The following DELE1 variants were observed in gnomAD, a reference collection of about 807,000 sequenced individuals.
The protein encoded by DELE1 is DAP3 binding cell death enhancer 1, also known as death ligand signal enhancer.
In DELE1, 54 loss-of-function variants were observed where a neutral mutation model predicts 59.3. The observed-to-expected ratio is 0.91, with a 90% CI of 0.73 to 1.14. The LOEUF (loss-of-function observed/expected upper bound fraction) is 1.14. DELE1 is among the 50% of genes most tolerant of loss of function. DELE1 has a pLI of 0.00. For missense variants in DELE1, 636 were observed against 643.9 expected (o/e 0.99, Z 0.13); for synonymous variants, 264 against 259.1 (o/e 1.02, Z -0.18).
At chr5:141,929,949 T>C in intron 5 of DELE1, 40 bp from the exon 6 acceptor site, 1 of 1,592,824 alleles carries the variant, frequency 6.3e-7, no homozygotes, top group South Asian at 1.1e-5. Flanking sequence ...AGTACAACTT[T>C]CTCCTTTGCC....
chr5:141,929,543 C>T (rs752121516), intron 4 of DELE1, 39 bp from the exon 5 acceptor site: 34 of 1,602,954 alleles, frequency 2.1e-5, no homozygotes, highest in Non-Finnish European at 2.8e-5. Context: ...AGCCATCGCG[C>T]CTGGCCCAGA....
chr5:141,941,638 C>G lies in DELE1; in HGVS notation c.*2879C>G, dbSNP rs1204043656. On this transcript the variant is annotated 3_prime_UTR_variant, in exon 12 of 12. Coordinates refer to ENST00000432126, the MANE Select transcript of DELE1 (RefSeq NM_014773.5). ...GGATGCTGGGTTAAAGCCCGGCGCCCTCACCAATGAGACCTTTGTGGGAAG... is the reference window on the plus strand; with the variant it reads ...GGATGCTGGGTTAAAGCCCGGCGCCGTCACCAATGAGACCTTTGTGGGAAG... 3 of 985,420 alleles carry G rather than the reference C, an allele frequency of 3.0e-6. No individual in the cohort carries two copies. The highest frequency in any genetic ancestry group is 1.7e-5 in the African/African-American group (1 of 57,348). The allele number at this position is 985,420 out of a possible 1,614,324, so 61.0% of individuals were successfully genotyped here. A position where few individuals can be genotyped will look rare whatever the true frequency, so the allele number is the denominator to read the frequency against.
At chr5:141,933,111 AAT>A (rs1171787891) in intron 7 of DELE1, 146 bp from the exon 8 acceptor site, 3,035 of 94,334 alleles carry the variant, frequency 0.032, 52 homozygotes, top group African/African-American at 0.059. Context: ...AAAAAAAAAA[AAT>A]ATATATATAT....
chr5:141,933,111 A>AAAAATATATAT (rs1554076875), intron 7 of DELE1, 148 bp from the exon 8 acceptor site: 1 of 94,436 alleles, frequency 1.1e-5, no homozygotes, highest in Non-Finnish European at 2.0e-5. Flanking sequence ...AAAAAAAAAA[A>AAAAATATATAT]ATATATATAT....
chr5:141,927,280 A>C (rs1422529550), intron 3 of DELE1, among the ~76,000 whole-genome samples: 1 of 152,168 alleles, frequency 6.6e-6, no homozygotes, highest in African/African-American at 2.4e-5. Context: ...GGCTCACTGC[A>C]ACCTCTGCCT....
Position 141,933,257 on chromosome 5 carries a change from A to G in DELE1, c.755-2A>G, listed in dbSNP as rs746664955. 4 of 1,540,578 alleles carry G rather than the reference A, an allele frequency of 2.6e-6. No individual in the cohort carries two copies. In the Admixed American group the frequency reaches 5.2e-5, roughly 20 times the overall value. ...GTGTTTGTGCCCTGTGCCTTCTTAC[A>G]GGAACAGAGAACATGAAGAGTGGCG... is the stretch of plus-strand genomic sequence containing the variant. On this transcript the variant is annotated splice_acceptor_variant, in intron 7 of 11. Coordinates refer to ENST00000432126, the MANE Select transcript of DELE1 (RefSeq NM_014773.5). LOFTEE classifies it high-confidence loss of function.
chr5:141,934,180 T>C (rs1422308448), intron 8 of DELE1, 60 bp from the exon 9 acceptor site: 2 of 1,425,434 alleles, frequency 1.4e-6, no homozygotes, highest in Non-Finnish European at 1.9e-6. Flanking sequence ...AAAATTTCAC[T>C]GAGTGCAAAA....
chr5:141,936,267 C>T (rs757391022), intron 10 of DELE1, among the ~76,000 whole-genome samples: 4 of 152,136 alleles, frequency 2.6e-5, no homozygotes, highest in African/African-American at 4.8e-5. Context: ...CCTGAGTTAA[C>T]ACAGCTGGTA....
At chr5:141,925,902 CAG>C (rs1435710482) in intron 3 of DELE1, among the ~76,000 whole-genome samples, 1 of 151,632 alleles carries the variant, frequency 6.6e-6, no homozygotes, top group East Asian at 1.9e-4. Context: ...TTTTCTGAGA[CAG>C]AGTCTTTCTC....
At chr5:141,937,142 G>A (rs2126897481) in intron 10 of DELE1, 56 bp from the exon 11 acceptor site, 10 of 1,604,816 alleles carry the variant, frequency 6.2e-6, no homozygotes, top group Non-Finnish European at 8.5e-6. Flanking sequence ...CCCTTAGCAT[G>A]TCAGTTCCTC....
Position 141,923,928 on chromosome 5 carries a change from G to A in DELE1, c.-14G>A. The A allele has an allele frequency of 6.2e-7, 1 of 1,604,098 alleles. No homozygotes were observed. Among genetic ancestry groups the A allele is most frequent in the Non-Finnish European group, 8.5e-7 (1 of 1,175,736 alleles). Reference sequence around the variant, plus strand: ...CGCTTTCGGCTGCGAGCTCTCTGTGGTGCTGGCAGCGACATGTGGCGCCTC... The same window carrying A: ...CGCTTTCGGCTGCGAGCTCTCTGTGATGCTGGCAGCGACATGTGGCGCCTC... On this transcript the variant is annotated 5_prime_UTR_variant, in exon 1 of 12. The change creates a new upstream start codon in the 5' untranslated region. Transcript: ENST00000432126.
Position 141,940,057 on chromosome 5 carries a change from CTT to C in DELE1, c.*1299_*1300del. On this transcript the variant is annotated 3_prime_UTR_variant, in exon 12 of 12. Transcript: ENST00000432126. Reference sequence around the variant, plus strand: ...TAAATGTAGATTGAATGCTAGGAGTCTTAAAGCTGGAGAGTATAGATTTTGAG... The same window carrying C: ...TAAATGTAGATTGAATGCTAGGAGTCAAAGCTGGAGAGTATAGATTTTGAG... 23 of 985,356 alleles carry C rather than the reference CTT, an allele frequency of 2.3e-5. No individual in the cohort carries two copies. Among genetic ancestry groups the C allele is most frequent in the Non-Finnish European group, 2.8e-5 (23 of 829,868 alleles). The allele number at this position is 985,356 out of a possible 1,614,324, so 61.0% of individuals were successfully genotyped here.
chr5:141,937,354 G>T lies in DELE1; in HGVS notation c.1306G>T (p.Ala436Ser). 1 of 1,613,870 alleles carries T rather than the reference G, an allele frequency of 6.2e-7. No homozygotes were observed. Among genetic ancestry groups the T allele is most frequent in the Non-Finnish European group, 8.5e-7 (1 of 1,179,968 alleles). Residue 436 changes from alanine to serine, a missense_variant, in exon 11 of 12, where the codon GCA becomes TCA. Ala to Ser is a moderately conservative substitution (Grantham distance 99). Transcript: ENST00000432126. ...GCGAGCCCTCTTTTCCATGGGGGCT[G>T]CAGGTACAGACCCAAGTCCAAGCCA... ...RLRALFSMGA[A>S]APGPSDLTVT...
chr5:141,930,823 G>C (rs1450667199), intron 7 of DELE1, among the ~76,000 whole-genome samples: 3 of 152,126 alleles, frequency 2.0e-5, no homozygotes, highest in Admixed American at 6.5e-5. Flanking sequence ...GCAGTAACTT[G>C]GCTCATTTTA....
At position 141,941,885 on chromosome 5, in the gene DELE1, T is replaced by G. The variant is rs58371943; in HGVS notation, c.*3126T>G. 0.017 allele frequency: 17,193 copies of G among 985,242 alleles called. 2,265 individuals are homozygous for G. In the African/African-American group the frequency reaches 0.28, roughly 16 times the overall value. 61.0% of individuals were successfully genotyped at this position (985,242 alleles called of 1,614,324 possible). On this transcript the variant is annotated 3_prime_UTR_variant, in exon 12 of 12. Coordinates refer to ENST00000432126, the MANE Select transcript of DELE1 (RefSeq NM_014773.5). Reference sequence around the variant, plus strand: ...CCTACCCAGCACATAGTAGGTACTTTAAGTAATTTGAATGAATAATTTTAA... The same window carrying G: ...CCTACCCAGCACATAGTAGGTACTTGAAGTAATTTGAATGAATAATTTTAA...
At position 141,940,451 on chromosome 5, in the gene DELE1, A is replaced by G. The variant is rs143248467; in HGVS notation, c.*1692A>G. 93 of 985,324 alleles carry G rather than the reference A, an allele frequency of 9.4e-5. No individual in the cohort carries two copies. In the East Asian group the frequency reaches 6.7e-3, roughly 71 times the overall value. 61.0% of individuals were successfully genotyped at this position (985,324 alleles called of 1,614,324 possible). A position where few individuals can be genotyped will look rare whatever the true frequency, so the allele number is the denominator to read the frequency against. Reference sequence around the variant, plus strand: ...GAGAGCCCACCGCCCACCCCCCACAATCCCATGACTGAGTGGAGACCAACC... The same window carrying G: ...GAGAGCCCACCGCCCACCCCCCACAGTCCCATGACTGAGTGGAGACCAACC... On this transcript the variant is annotated 3_prime_UTR_variant, in exon 12 of 12. Transcript: ENST00000432126.
In DELE1 at chr5:141,930,145, T is replaced by C. The variant is rs1751785137; in HGVS notation, c.658-33T>C. 1.9e-6 allele frequency: 3 copies of C among 1,607,940 alleles called. No homozygotes were observed. The African/African-American group carries it at 4.0e-5, about 22-fold the overall frequency. On this transcript the variant is annotated intron_variant, in intron 6 of 11. Transcript: ENST00000432126. ...GGCAGGTGGCAATCCTGGTAAACCA[T>C]CCCTTGGTGAGTCTTTTATATTTCT... is the stretch of plus-strand genomic sequence containing the variant.
intron 7 of DELE1, among the ~76,000 whole-genome samples, 154 bp from the exon 8 acceptor site, chr5:141,933,105 A>AT (rs1440686617): frequency 3.6e-5 from 5 of 139,222 alleles, no homozygotes; most frequent in East Asian, 2.0e-4. Context: ...AAAAAAAAAA[A>AT]AAAAAAATAT....
intron 8 of DELE1, 23 bp downstream of exon 8, chr5:141,933,424 G>A (rs1267155626): frequency 1.4e-6 from 2 of 1,439,174 alleles, no homozygotes; most frequent in Non-Finnish European, 1.9e-6. Flanking sequence ...CCCCAAGCCT[G>A]CCTTCTGTGC....
Sources: gnomAD v4.1 joint callset for allele counts (sites outside exome capture counted in the v4.1 genomes callset) on GRCh38, gnomAD v4.1.1 for gene constraint, MANE v1.5 for transcripts, NCBI Gene and HGNC (gene_info 2026-07-23, HGNC 2026-07-21) for gene names.